Variants in CSMD1 observed in about 807,000 individuals in gnomAD.
The protein encoded by CSMD1 is CUB and Sushi multiple domains 1.
In CSMD1, 213 loss-of-function variants were observed where a neutral mutation model predicts 417.5. That is an observed-to-expected ratio of 0.51 (90% CI 0.46 to 0.57). The LOEUF (loss-of-function observed/expected upper bound fraction) is 0.57. Ranked by LOEUF, CSMD1 falls within the 20% of genes least tolerant of loss-of-function variation. CSMD1 has a pLI of 0.00. For missense variants in CSMD1, 6,923 were observed against 4,529.7 expected (o/e 1.53, Z -15.17); for synonymous variants, 2,862 against 1,736.8 (o/e 1.65, Z -16.11).
At chr8:3,450,815 T>C (rs1815656455) in intron 12 of CSMD1, among the ~76,000 whole-genome samples, 1 of 151,938 alleles carries the variant, frequency 6.6e-6, no homozygotes, top group African/African-American at 2.4e-5. Context: ...TTTATAATCC[T>C]TTGGGTATAT....
intron 5 of CSMD1, among the ~76,000 whole-genome samples, chr8:3,754,973 T>TC: frequency 2.4e-3 from 1 of 410 alleles, no homozygotes; most frequent in Non-Finnish European, 5.1e-3. Flanking sequence ...AGTGCATTCA[T>TC]TTTAAAAATA....
intron 5 of CSMD1, among the ~76,000 whole-genome samples, chr8:3,775,079 G>C (rs1039085315): frequency 2.6e-5 from 4 of 152,150 alleles, no homozygotes; most frequent in Admixed American, 6.5e-5. Context: ...CGAATTGTTT[G>C]TTTCTGGAAT....
At chr8:4,713,931 G>C (rs1584984606) in intron 1 of CSMD1, among the ~76,000 whole-genome samples, 1 of 152,218 alleles carries the variant, frequency 6.6e-6, no homozygotes, top group East Asian at 1.9e-4. Flanking sequence ...GATCACTTGA[G>C]GTCAGGAGTT....
chr8:3,236,308 C>T (rs1647734612), intron 26 of CSMD1, among the ~76,000 whole-genome samples: 1 of 151,920 alleles, frequency 6.6e-6, no homozygotes, highest in Non-Finnish European at 1.5e-5. Context: ...TTTAAAATTG[C>T]CATAAACTAC....
chr8:4,966,289 G>A (rs1460985571), intron 1 of CSMD1, among the ~76,000 whole-genome samples: 4 of 151,916 alleles, frequency 2.6e-5, no homozygotes, highest in African/African-American at 9.7e-5. Flanking sequence ...TGAGGCAGGA[G>A]GATCACTTGA....
chr8:4,511,210 AT>A (rs1802801442), intron 2 of CSMD1, among the ~76,000 whole-genome samples: 1 of 152,168 alleles, frequency 6.6e-6, no homozygotes, highest in African/African-American at 2.4e-5. Context: ...GTACAGATCC[AT>A]TTTTAACCTG....
chr8:4,695,028 T>C (rs1807024400), intron 1 of CSMD1, among the ~76,000 whole-genome samples: 1 of 152,152 alleles, frequency 6.6e-6, no homozygotes, highest in Non-Finnish European at 1.5e-5. Flanking sequence ...TCCCTTTACT[T>C]ATCTGTCATC....
rs1221741721 is a variant in CSMD1 at position 4,103,097 on chromosome 8, A to G, written c.416-70998T>C. ...TTGGTTTTGAGCTCCAGACAGTTCT[A>G]TAAAGTGGATTCTATCTCTGAACAC... On this transcript the variant is annotated intron_variant, in intron 3 of 69. Transcript: ENST00000635120. Among the ~76,000 whole-genome samples the G allele has an allele frequency of 2.6e-5, 4 of 152,298 alleles. No individual in the cohort carries two copies. In the East Asian group the frequency reaches 5.8e-4, roughly 22 times the overall value.
At chr8:3,305,149 T>A (rs1353676018) in intron 25 of CSMD1, among the ~76,000 whole-genome samples, 1 of 152,132 alleles carries the variant, frequency 6.6e-6, no homozygotes, top group African/African-American at 2.4e-5. Flanking sequence ...TCAAAGAAAG[T>A]GCTGGGATGA....
intron 24 of CSMD1, 81 bp from the exon 25 acceptor site, chr8:3,307,902 C>G: frequency 1.4e-6 from 2 of 1,476,020 alleles, no homozygotes; most frequent in South Asian, 2.6e-5. Context: ...AAACCAAAGC[C>G]ATTATGTCTG....
chr8:3,598,848 C>T (rs897944116), intron 8 of CSMD1, among the ~76,000 whole-genome samples: 3 of 152,010 alleles, frequency 2.0e-5, no homozygotes, highest in South Asian at 2.1e-4. Flanking sequence ...TTTGGGAGGC[C>T]GACACAGGTG....
At chr8:4,521,514 T>A (rs768890817) in intron 2 of CSMD1, among the ~76,000 whole-genome samples, 3 of 152,232 alleles carry the variant, frequency 2.0e-5, no homozygotes, top group Admixed American at 6.5e-5. Context: ...ATTTAATGAA[T>A]GAATGTTTCC....
rs73185542 is a variant in CSMD1 at position 3,244,557 on chromosome 8, C to A, written c.4154-14326G>T. 2.8e-3 allele frequency among the ~76,000 whole-genome samples: 424 copies of A among 152,274 alleles called. 1 individual carries two copies. Among genetic ancestry groups the A allele is most frequent in the Middle Eastern group, 6.8e-3 (2 of 294 alleles). On this transcript the variant is annotated intron_variant, in intron 26 of 69. Transcript: ENST00000635120. The stretch of plus-strand genomic sequence containing the variant: ...CATCTGGGTCGCCTCTAACCTAGGT[C>A]GCTGCAGACATCAGCTCTTCAAAGG...
chr8:4,111,734 A>T (rs1393031641), intron 3 of CSMD1, among the ~76,000 whole-genome samples: 1 of 152,162 alleles, frequency 6.6e-6, no homozygotes, highest in African/African-American at 2.4e-5. Context: ...ACACATGGAA[A>T]CAGAGAGGGC....
intron 4 of CSMD1, among the ~76,000 whole-genome samples, chr8:4,019,515 G>C (rs1029686730): frequency 2.0e-5 from 3 of 152,186 alleles, no homozygotes; most frequent in Non-Finnish European, 4.4e-5. Flanking sequence ...GTGAAGTTTG[G>C]TGGTTACCCA....
intron 6 of CSMD1, among the ~76,000 whole-genome samples, chr8:3,740,314 C>T (rs1363321266): frequency 6.6e-6 from 1 of 152,158 alleles, no homozygotes; most frequent in Non-Finnish European, 1.5e-5. Flanking sequence ...CCATGTTGGA[C>T]AGGCTGGTCT....
chr8:4,451,248 T>TTGAGCCCAGGAGGTCCAGGC (rs1401870251), intron 2 of CSMD1, among the ~76,000 whole-genome samples: 1 of 152,156 alleles, frequency 6.6e-6, no homozygotes, highest in Non-Finnish European at 1.5e-5. Context: ...GGAAGATGGC[T>TTGAGCCCAGGAGGTCCAGGC]TGAGCCCAGG....
chr8:4,384,958 T>C (rs1168613410), intron 3 of CSMD1, among the ~76,000 whole-genome samples: 1 of 152,210 alleles, frequency 6.6e-6, no homozygotes, highest in African/African-American at 2.4e-5. Context: ...ATTTCCTCTG[T>C]CACCCAGGAT....
At chr8:3,427,889 G>A (rs1238950746) in intron 12 of CSMD1, among the ~76,000 whole-genome samples, 4 of 152,208 alleles carry the variant, frequency 2.6e-5, no homozygotes, top group Admixed American at 2.6e-4. Context: ...GTTAGCATCA[G>A]TTTATGAGCT....
Sources: gnomAD v4.1 joint callset for allele counts (sites outside exome capture counted in the v4.1 genomes callset) on GRCh38, gnomAD v4.1.1 for gene constraint, MANE v1.5 for transcripts, NCBI Gene and HGNC (gene_info 2026-07-23, HGNC 2026-07-21) for gene names.